OR6C1: variants seen among roughly 807,000 people sequenced by gnomAD.
OR6C1 encodes the protein olfactory receptor family 6 subfamily C member 1.
For missense variants in OR6C1, 386 were observed against 366.1 expected (o/e 1.05, Z -0.44); for synonymous variants, 157 against 133.3 (o/e 1.18, Z -1.22).
Position 55,321,239 on chromosome 12 carries a change from C to A in OR6C1, c.640C>A (p.Leu214Met). 6.2e-7 allele frequency: 1 copy of A among 1,613,908 alleles called. No homozygotes were observed. The change falls in exon 2 of 2, where the codon CTG becomes ATG. Residue 214 changes from leucine (L) to methionine (M), a missense_variant. Leu to Met is a conservative substitution (Grantham distance 15). Transcript: ENST00000642104. ...TLMFTLALIF[L>M]SYIYIIRTIL... ...AATGTTCACTTTGGCATTAATATTTCTGTCCTACATATACATTATCAGAAC... is the reference window on the plus strand; with the variant it reads ...AATGTTCACTTTGGCATTAATATTTATGTCCTACATATACATTATCAGAAC...
intron 1 of OR6C1, among the ~76,000 whole-genome samples, chr12:55,315,497 A>G (rs1347540080): frequency 6.6e-6 from 1 of 151,730 alleles, no homozygotes; most frequent in Non-Finnish European, 1.5e-5. Context: ...TTATGAAATT[A>G]AGTGTGATTT....
intron 1 of OR6C1, among the ~76,000 whole-genome samples, chr12:55,319,947 C>T (rs905214151): frequency 6.6e-6 from 1 of 152,136 alleles, no homozygotes; most frequent in Non-Finnish European, 1.5e-5. Context: ...TCGAGACCAG[C>T]CTGACCAGCA....
chr12:55,321,613 GCCT>G lies in OR6C1; in HGVS notation c.*79_*81del, dbSNP rs1868564616. 2.1e-6 allele frequency: 2 copies of G among 968,096 alleles called. No individual in the cohort carries two copies. Among genetic ancestry groups the G allele is most frequent in the Admixed American group, 4.9e-5 (2 of 41,064 alleles). The allele number at this position is 968,096 out of a possible 1,614,324, so 60.0% of individuals were successfully genotyped here. A position where few individuals can be genotyped will look rare whatever the true frequency, so the allele number is the denominator to read the frequency against. On this transcript the variant is annotated 3_prime_UTR_variant, in exon 2 of 2. Transcript: ENST00000642104. ...TTCAGTAGCTTCTTCAATCAAAATGGCCTCCTTGCAGTCTTCTGCATCATTTTC... is the reference window on the plus strand; with the variant it reads ...TTCAGTAGCTTCTTCAATCAAAATGGCCTTGCAGTCTTCTGCATCATTTTC...
intron 1 of OR6C1, among the ~76,000 whole-genome samples, chr12:55,320,344 C>T (rs181890719): frequency 6.6e-6 from 1 of 152,100 alleles, no homozygotes; most frequent in Admixed American, 6.6e-5. Context: ...CCTGCCCTAC[C>T]ACTTCCAACT....
In OR6C1 at chr12:55,322,004, A is replaced by C. The variant is rs1438590303; in HGVS notation, c.*466A>C. 1 of 152,170 alleles carries C rather than the reference A, an allele frequency of 6.6e-6. No homozygotes were observed. The highest frequency in any genetic ancestry group is 1.5e-5 in the Non-Finnish European group (1 of 68,046). The allele number at this position is 152,170 out of a possible 1,614,324, so 9.4% of individuals were successfully genotyped here. A position where few individuals can be genotyped will look rare whatever the true frequency, so the allele number is the denominator to read the frequency against. On this transcript the variant is annotated 3_prime_UTR_variant, in exon 2 of 2. Transcript: ENST00000642104. ...TAAAAAATGTAAGTGAATTCATTTG[A>C]AAAGCAAAAAAAAATTTCATTACTC...
chr12:55,317,931 T>A (rs934609143), intron 1 of OR6C1, among the ~76,000 whole-genome samples: 5 of 145,544 alleles, frequency 3.4e-5, no homozygotes, highest in Non-Finnish European at 7.5e-5. Context: ...TATATATATA[T>A]TATATATATA....
At chr12:55,318,230 GTGT>G (rs1245444461) in intron 1 of OR6C1, among the ~76,000 whole-genome samples, 2 of 145,800 alleles carry the variant, frequency 1.4e-5, no homozygotes, top group African/African-American at 2.6e-5. Context: ...GAGTGTGTGT[GTGT>G]GTGTGTGTGT....
chr12:55,316,977 T>A (rs1281613873), intron 1 of OR6C1, among the ~76,000 whole-genome samples: 1 of 151,928 alleles, frequency 6.6e-6, no homozygotes. Context: ...GTCATGGTAT[T>A]ATTACTGAGT....
At chr12:55,317,111 T>C (rs984489684) in intron 1 of OR6C1, among the ~76,000 whole-genome samples, 3 of 151,932 alleles carry the variant, frequency 2.0e-5, no homozygotes, top group African/African-American at 7.2e-5. Context: ...TAATATAATA[T>C]ATATTTTTTA....
chr12:55,317,133 C>T (rs1439231563), intron 1 of OR6C1, among the ~76,000 whole-genome samples: 1 of 151,326 alleles, frequency 6.6e-6, no homozygotes, highest in Non-Finnish European at 1.5e-5. Context: ...AAACTTGAGT[C>T]TCTCATGTCA....
chr12:55,320,143 A>G (rs529042433), intron 1 of OR6C1, among the ~76,000 whole-genome samples: 1 of 152,250 alleles, frequency 6.6e-6, no homozygotes, highest in East Asian at 1.9e-4. Flanking sequence ...TCCACCTCAA[A>G]AAAAAACAAC....
chr12:55,317,012 G>A (rs1252123077), intron 1 of OR6C1, among the ~76,000 whole-genome samples: 1 of 151,852 alleles, frequency 6.6e-6, no homozygotes, highest in Non-Finnish European at 1.5e-5. Flanking sequence ...AATTAGCAGG[G>A]AATTTAAGAG....
Position 55,321,096 on chromosome 12 carries a change from A to G in OR6C1, c.497A>G (p.Tyr166Cys). ...PALMLLLKLH[Y>C]CRSNIIDHFT... ...CTCATGTTGCTTTTAAAGCTTCATT[A>G]CTGTAGGTCTAATATTATTGACCAT... is the stretch of plus-strand genomic sequence containing the variant. Residue 166 changes from tyrosine to cysteine, a missense_variant, in exon 2 of 2, where the codon TAC becomes TGC. Tyr to Cys is a radical substitution (Grantham distance 194). Transcript: ENST00000642104. The G allele has an allele frequency of 6.2e-7, 1 of 1,613,286 alleles. No homozygotes were observed. Among genetic ancestry groups the G allele is most frequent in the Non-Finnish European group, 8.5e-7 (1 of 1,179,338 alleles).
chr12:55,320,002 G>T lies in OR6C1; in HGVS notation c.-33-565G>T, dbSNP rs1030899681. The stretch of plus-strand genomic sequence containing the variant: ...CTAAAAATACAAAAATTATCCAGGC[G>T]TGGTGGCACGTGCCTGTAATCCCAG... On this transcript the variant is annotated intron_variant, in intron 1 of 1. Transcript: ENST00000642104. 4.6e-5 allele frequency among the ~76,000 whole-genome samples: 7 copies of T among 152,142 alleles called. No homozygotes were observed. The East Asian group carries it at 5.8e-4, about 13-fold the overall frequency.
At chr12:55,315,501 G>T (rs1168669777) in intron 1 of OR6C1, among the ~76,000 whole-genome samples, 1 of 151,700 alleles carries the variant, frequency 6.6e-6, no homozygotes, top group Non-Finnish European at 1.5e-5. Flanking sequence ...GAAATTAAGT[G>T]TGATTTGGTG....
At position 55,320,567 on chromosome 12, in the gene OR6C1, G is replaced by A. The variant is rs1466932466; in HGVS notation, c.-33G>A. On this transcript the variant is annotated splice_region_variant and 5_prime_UTR_variant, in exon 2 of 2. Transcript: ENST00000642104. ...TTGTTCTTTGTACTTTCTCTTGTAG[G>A]TCTGGCAGGGGAAAAAAGAAAGCAA... 3 of 1,252,960 alleles carry A rather than the reference G, an allele frequency of 2.4e-6. No individual in the cohort carries two copies. The Admixed American group carries it at 6.0e-5, about 25-fold the overall frequency. 77.6% of individuals were successfully genotyped at this position (1,252,960 alleles called of 1,614,324 possible).
chr12:55,319,142 ATCAT>A (rs1320221342), intron 1 of OR6C1, among the ~76,000 whole-genome samples: 8 of 147,506 alleles, frequency 5.4e-5, no homozygotes, highest in Admixed American at 5.4e-4. Context: ...AGGCTGAAAT[ATCAT>A]GAAATATCAT....
rs527410766 is a variant in OR6C1 at position 55,321,470 on chromosome 12, A to G, written c.871A>G (p.Arg291Gly). ...PMMNPFIYSL[R>G]NQQVKQAFIN... ...GATGAACCCCTTTATTTACAGCCTA[A>G]GAAATCAGCAAGTCAAGCAAGCTTT... Residue 291 changes from arginine to glycine, a missense_variant, in exon 2 of 2, where the codon AGA becomes GGA. Transcript: ENST00000642104. The G allele has an allele frequency of 1.9e-6, 3 of 1,613,396 alleles. No homozygotes were observed. Among genetic ancestry groups the G allele is most frequent in the Non-Finnish European group, 1.7e-6 (2 of 1,179,766 alleles).
chr12:55,321,965 T>C lies in OR6C1; in HGVS notation c.*427T>C, dbSNP rs1331371139. 1 of 152,160 alleles carries C rather than the reference T, an allele frequency of 6.6e-6. No individual in the cohort carries two copies. The highest frequency in any genetic ancestry group is 1.5e-5 in the Non-Finnish European group (1 of 68,066). The allele number at this position is 152,160 out of a possible 1,614,324, so 9.4% of individuals were successfully genotyped here. On this transcript the variant is annotated 3_prime_UTR_variant, in exon 2 of 2. Transcript: ENST00000642104. Reference sequence around the variant, plus strand: ...GATGTTCTAGGAAATATGTGAAAGATACAATATAATTTTTAAAAAATGTAA... The same window carrying C: ...GATGTTCTAGGAAATATGTGAAAGACACAATATAATTTTTAAAAAATGTAA...
Sources: allele counts gnomAD v4.1 joint callset (sites outside exome capture counted in the v4.1 genomes callset), GRCh38; gene constraint gnomAD v4.1.1; transcripts MANE v1.5; gene names NCBI Gene and HGNC (gene_info 2026-07-23, HGNC 2026-07-21).